The following RAI1 variants were observed in gnomAD, a reference collection of about 807,000 sequenced individuals.
RAI1 encodes retinoic acid-induced protein 1.
Under a neutral mutation model 123.8 loss-of-function variants are expected in RAI1, and 9 were observed. That is an observed-to-expected ratio of 0.07 (90% CI 0.04 to 0.13). The LOEUF is 0.13. Ranked by LOEUF, RAI1 falls within the 10% of genes least tolerant of loss-of-function variation. The pLI, the probability that RAI1 is intolerant of heterozygous loss-of-function variation, is 1.00. For missense variants in RAI1, 2,256 were observed against 2,545.8 expected (o/e 0.89, Z 2.45); for synonymous variants, 1,231 against 1,127.3 (o/e 1.09, Z -1.84).
chr17:17,713,019 C>T (rs1394133352), intron 1 of RAI1, among the ~76,000 whole-genome samples: 1 of 151,220 alleles, frequency 6.6e-6, no homozygotes, highest in African/African-American at 2.4e-5. Context: ...CCTATGGGAA[C>T]AGGTTTCTTT....
chr17:17,739,363 C>T (rs1300631469), intron 2 of RAI1, among the ~76,000 whole-genome samples: 1 of 152,084 alleles, frequency 6.6e-6, no homozygotes, highest in Non-Finnish European at 1.5e-5. Context: ...GCTGGGGAAG[C>T]GAAGGTGGGT....
At chr17:17,776,389 G>A (rs1350260496) in intron 2 of RAI1, among the ~76,000 whole-genome samples, 1 of 148,224 alleles carries the variant, frequency 6.7e-6, no homozygotes, top group Admixed American at 6.7e-5. Context: ...TTTTTTTTTT[G>A]AGACAAAGTC....
intron 1 of RAI1, among the ~76,000 whole-genome samples, chr17:17,707,666 C>T (rs961177513): frequency 2.2e-4 from 33 of 152,150 alleles, no homozygotes; most frequent in African/African-American, 7.2e-4. Context: ...GATCTCAGCT[C>T]ACTGCAACCT....
chr17:17,810,129 G>A lies in RAI1; in HGVS notation c.*148G>A. On this transcript the variant is annotated 3_prime_UTR_variant, in exon 6 of 6. Coordinates refer to ENST00000353383, the MANE Select transcript of RAI1 (RefSeq NM_030665.4). The surrounding 1 kb of genome is among the most constrained non-coding windows in gnomAD (Gnocchi z 4.6). ...TCCTTGATCCGGGTCCCGGATCGTG[G>A]ATCCGGCCGCCTAGGGCTCAGACTT... 1 of 1,180,392 alleles carries A rather than the reference G, an allele frequency of 8.5e-7. No individual in the cohort carries two copies. Among genetic ancestry groups the A allele is most frequent in the Admixed American group, 2.8e-5 (1 of 35,128 alleles). 73.1% of individuals were successfully genotyped at this position (1,180,392 alleles called of 1,614,324 possible).
At chr17:17,724,406 C>CTTTTTTTTTT (rs771760855) in intron 2 of RAI1, among the ~76,000 whole-genome samples, 1 of 103,758 alleles carries the variant, frequency 9.6e-6, no homozygotes, top group Non-Finnish European at 1.9e-5. Flanking sequence ...TCTTTCTTTC[C>CTTTTTTTTTT]TTTTTTTTTT....
chr17:17,711,029 G>A (rs533749830), intron 1 of RAI1, among the ~76,000 whole-genome samples: 8 of 152,296 alleles, frequency 5.3e-5, no homozygotes, highest in African/African-American at 1.7e-4. Context: ...TCCCTCACAC[G>A]GTTTGTTTGG....
chr17:17,755,127 G>A (rs1395169874), intron 2 of RAI1, among the ~76,000 whole-genome samples: 1 of 152,228 alleles, frequency 6.6e-6, no homozygotes. Context: ...CCCACAGCCT[G>A]AGCCTTCCTG....
In RAI1 at chr17:17,798,281, G is replaced by A. The variant is rs1427680459; in HGVS notation, c.5333G>A (p.Arg1778Gln). 2 of 1,597,580 alleles carry A rather than the reference G, an allele frequency of 1.3e-6. No individual in the cohort carries two copies. The highest frequency in any genetic ancestry group is 1.1e-5 in the South Asian group (1 of 89,492). The change falls in exon 3 of 6, where the codon CGG (arginine) becomes CAG (glutamine). Residue 1778 changes from arginine (R) to glutamine (Q), a missense_variant. Transcript: ENST00000353383. ...CGCACCAGTGCCCGGGGCCTGTCCC[G>A]GAGGCTGCAGAGCTGCTACTGCTGT... ...PLRTSARGLSRRLQSCYCCDG... is the reference protein window; with the variant it reads ...PLRTSARGLSQRLQSCYCCDG...
intron 1 of RAI1, among the ~76,000 whole-genome samples, chr17:17,715,317 C>A (rs535056155): frequency 1.3e-5 from 2 of 152,220 alleles, no homozygotes; most frequent in Admixed American, 1.3e-4. Context: ...GCTGTGAGAC[C>A]GGGCAGTGGT....
intron 2 of RAI1, among the ~76,000 whole-genome samples, chr17:17,748,527 T>G (rs2030017849): frequency 6.6e-6 from 1 of 152,258 alleles, no homozygotes; most frequent in South Asian, 2.1e-4. Flanking sequence ...CCAACAACCC[T>G]GTGAGATAGG....
chr17:17,716,716 G>T (rs1318097513), intron 1 of RAI1, among the ~76,000 whole-genome samples: 1 of 24,156 alleles, frequency 4.1e-5, no homozygotes, highest in Non-Finnish European at 9.0e-5. Context: ...TGTGTGTCTG[G>T]CCCACATGTG....
intron 2 of RAI1, among the ~76,000 whole-genome samples, chr17:17,747,900 CA>C (rs796620014): frequency 2.6e-5 from 4 of 152,130 alleles, no homozygotes; most frequent in African/African-American, 9.6e-5. Context: ...CCCATCTCTA[CA>C]AAAAATTTAA....
chr17:17,797,925 G>A lies in RAI1; in HGVS notation c.4977G>A (p.Gln1659=), dbSNP rs1249629962. 6.2e-7 allele frequency: 1 copy of A among 1,614,002 alleles called. No individual in the cohort carries two copies. The highest frequency in any genetic ancestry group is 8.5e-7 in the Non-Finnish European group (1 of 1,180,018). The part of the protein sequence containing the change: ...LATLPGGSIL[Q]PRPSLPLSST... ...CACTCCCTGGAGGCTCCATCCTGCA[G>A]CCGCGGCCCTCCTTGCCCCTCTCCT... Residue 1659 remains glutamine (Q), a synonymous_variant, in exon 3 of 6, where the codon CAG becomes CAA. Transcript: ENST00000353383.
intron 1 of RAI1, among the ~76,000 whole-genome samples, chr17:17,683,253 G>A (rs1376634878): frequency 6.6e-6 from 1 of 152,098 alleles, no homozygotes; most frequent in Non-Finnish European, 1.5e-5. Context: ...GGGAGGAGAG[G>A]CGGGGGTGGG....
intron 2 of RAI1, among the ~76,000 whole-genome samples, chr17:17,724,853 C>G (rs1249678011): frequency 6.6e-6 from 1 of 152,170 alleles, no homozygotes; most frequent in Non-Finnish European, 1.5e-5. Context: ...CTGGACAGAG[C>G]TGCAGGAGTG....
rs185269516 is a variant in RAI1, at chr17:17,770,204, G to A, written c.-16-22729G>A. 2.9e-3 allele frequency among the ~76,000 whole-genome samples: 439 copies of A among 152,202 alleles called. 4 individuals carry two copies. The highest frequency in any genetic ancestry group is 9.6e-3 in the African/African-American group (401 of 41,556). ...GGGTGCAGGATCCTTGTCTACCTGCGGGGTAGGGAGACAGCCTGTCTCCCA... is the reference window on the plus strand; with the variant it reads ...GGGTGCAGGATCCTTGTCTACCTGCAGGGTAGGGAGACAGCCTGTCTCCCA... On this transcript the variant is annotated intron_variant, in intron 2 of 5. Transcript: ENST00000353383.
intron 2 of RAI1, among the ~76,000 whole-genome samples, chr17:17,756,875 G>C (rs2030457963): frequency 6.6e-6 from 1 of 152,210 alleles, no homozygotes; most frequent in Non-Finnish European, 1.5e-5. Flanking sequence ...CTGTTCACTG[G>C]GGTGATGTGC....
At chr17:17,767,299 C>T (rs2030974464) in intron 2 of RAI1, among the ~76,000 whole-genome samples, 1 of 152,108 alleles carries the variant, frequency 6.6e-6, no homozygotes. Flanking sequence ...TGTGTAATCC[C>T]CACACCGTAT....
rs2032191929 is a variant in RAI1 at position 17,795,338 on chromosome 17, AC to A, written c.2396del (p.Pro799LeufsTer20). Reference protein sequence around the residue: ...ASACLGFQEEDPPGEKVASLP... With the variant: ...ASACLGFQEEXPPGEKVASLP... The stretch of plus-strand genomic sequence containing the variant: ...GCCTGCCTGGGCTTCCAGGAGGAGG[AC>A]CCCCCTGGGGAGAAGGTGGCCTCGT... On this transcript the variant is annotated frameshift_variant, in exon 3 of 6. Transcript: ENST00000353383. LOFTEE classifies it high-confidence loss of function. This position sits in a 1 kb window ranked among gnomAD's most constrained non-coding sequence, Gnocchi z 5.9. 3 of 1,590,940 alleles carry A rather than the reference AC, an allele frequency of 1.9e-6. No homozygotes were observed. Among genetic ancestry groups the A allele is most frequent in the Non-Finnish European group, 2.6e-6 (3 of 1,165,674 alleles).
Sources: gnomAD v4.1 joint callset for allele counts (sites outside exome capture counted in the v4.1 genomes callset) on GRCh38, gnomAD v4.1.1 for gene constraint, Gnocchi (gnomAD v3.1) non-coding constraint, MANE v1.5 for transcripts, NCBI Gene and HGNC (gene_info 2026-07-23, HGNC 2026-07-21) for gene names.